The following KMT5B variants were observed in gnomAD, a reference collection of about 807,000 sequenced individuals.
The protein encoded by KMT5B is lysine methyltransferase 5B.
Under a neutral mutation model 83.2 loss-of-function variants are expected in KMT5B, and 10 were observed. That is an observed-to-expected ratio of 0.12 (90% CI 0.07 to 0.20). The LOEUF is 0.20. Ranked by LOEUF, KMT5B falls within the 10% of genes least tolerant of loss-of-function variation. The probability of loss-of-function intolerance (pLI) is 1.00; values close to 1 mark genes in which losing one functional copy is unlikely to be tolerated. For missense variants in KMT5B, 753 were observed against 1,067.2 expected (o/e 0.71, Z 4.10); for synonymous variants, 349 against 388.8 (o/e 0.90, Z 1.20).
At chr11:68,176,279 G>A (rs1345237491) in intron 4 of KMT5B, among the ~76,000 whole-genome samples, 2 of 152,048 alleles carry the variant, frequency 1.3e-5, no homozygotes, top group Non-Finnish European at 1.5e-5. Flanking sequence ...ATCCCATTAG[G>A]TCTGTATTTA....
In KMT5B at chr11:68,156,044, A is replaced by G. The variant is rs1471174127; in HGVS notation, c.*1644T>C. The G allele has an allele frequency of 6.6e-6, 1 of 152,190 alleles. No individual in the cohort carries two copies. The highest frequency in any genetic ancestry group is 1.5e-5 in the Non-Finnish European group (1 of 68,024). 9.4% of individuals were successfully genotyped at this position (152,190 alleles called of 1,614,324 possible). A position where few individuals can be genotyped will look rare whatever the true frequency, so the allele number is the denominator to read the frequency against. ...GCGTCATTGAAACAATATCCCCCCA[A>G]ACCTGGAAACTAGTAGGAATCAATT... On this transcript the variant is annotated 3_prime_UTR_variant, in exon 11 of 11. Coordinates refer to ENST00000304363, the MANE Select transcript of KMT5B (RefSeq NM_017635.5).
At chr11:68,168,600 T>C (rs1855544437) in intron 9 of KMT5B, among the ~76,000 whole-genome samples, 1 of 152,170 alleles carries the variant, frequency 6.6e-6, no homozygotes, top group Non-Finnish European at 1.5e-5. Flanking sequence ...CCTCCCAAAG[T>C]GCTGGGATTA....
intron 1 of KMT5B, among the ~76,000 whole-genome samples, chr11:68,210,487 G>C (rs952921135): frequency 6.6e-6 from 1 of 152,026 alleles, no homozygotes; most frequent in Non-Finnish European, 1.5e-5. Context: ...GAGTCGTTTT[G>C]TAGACGGAGT....
chr11:68,192,003 A>G (rs1232625337), intron 1 of KMT5B, among the ~76,000 whole-genome samples: 1 of 152,212 alleles, frequency 6.6e-6, no homozygotes, highest in Non-Finnish European at 1.5e-5. Flanking sequence ...ATAACAAATA[A>G]TATTGTGTTA....
intron 1 of KMT5B, among the ~76,000 whole-genome samples, chr11:68,210,505 C>T (rs1347020981): frequency 6.6e-6 from 1 of 152,094 alleles, no homozygotes; most frequent in Admixed American, 6.6e-5. Context: ...AGTCTAGGCC[C>T]TATCAATGAC....
At chr11:68,193,956 C>T (rs1858395332) in intron 1 of KMT5B, among the ~76,000 whole-genome samples, 1 of 151,738 alleles carries the variant, frequency 6.6e-6, no homozygotes, top group African/African-American at 2.4e-5. Flanking sequence ...TGAGCCACCA[C>T]ACTCAGTAAG....
At chr11:68,183,942 G>A (rs1434817363) in intron 3 of KMT5B, among the ~76,000 whole-genome samples, 1 of 152,104 alleles carries the variant, frequency 6.6e-6, no homozygotes, top group Non-Finnish European at 1.5e-5. Flanking sequence ...TTACAGGCAT[G>A]AGCCACTGCG....
intron 1 of KMT5B, among the ~76,000 whole-genome samples, 195 bp from the exon 2 acceptor site, chr11:68,190,347 T>C (rs1412937586): frequency 1.3e-5 from 2 of 152,248 alleles, no homozygotes; most frequent in African/African-American, 4.8e-5. Flanking sequence ...GACATACACT[T>C]CATAAAATTC....
chr11:68,196,210 G>A (rs1298563470), intron 1 of KMT5B, among the ~76,000 whole-genome samples: 1 of 151,884 alleles, frequency 6.6e-6, no homozygotes, highest in African/African-American at 2.4e-5. Context: ...GAAGGGCAAT[G>A]CACCATGCCT....
Position 68,155,807 on chromosome 11 carries a change from G to C in KMT5B, c.*1881C>G, listed in dbSNP as rs117048014. The stretch of plus-strand genomic sequence containing the variant: ...ACTGTTGAAGACCTCCAGACGCAGT[G>C]AACGGGGGTATGGGTGGGTGTGGAA... On this transcript the variant is annotated 3_prime_UTR_variant, in exon 11 of 11. Coordinates refer to ENST00000304363, the MANE Select transcript of KMT5B (RefSeq NM_017635.5). 1 of 152,380 alleles carries C rather than the reference G, an allele frequency of 6.6e-6. No individual in the cohort carries two copies. The highest frequency in any genetic ancestry group is 1.9e-4 in the East Asian group (1 of 5,188). The allele number at this position is 152,380 out of a possible 1,614,324, so 9.4% of individuals were successfully genotyped here. A position where few individuals can be genotyped will look rare whatever the true frequency, so the allele number is the denominator to read the frequency against.
In KMT5B at chr11:68,157,575, A is replaced by T. The variant is rs528090915; in HGVS notation, c.*113T>A. 4 of 1,420,876 alleles carry T rather than the reference A, an allele frequency of 2.8e-6. No individual in the cohort carries two copies. Among genetic ancestry groups the T allele is most frequent in the Non-Finnish European group, 3.7e-6 (4 of 1,082,348 alleles). The allele number at this position is 1,420,876 out of a possible 1,614,324, so 88.0% of individuals were successfully genotyped here. A position where few individuals can be genotyped will look rare whatever the true frequency, so the allele number is the denominator to read the frequency against. On this transcript the variant is annotated 3_prime_UTR_variant, in exon 11 of 11. Transcript: ENST00000304363. ...GTACACTTTCTACAATAGTATGCTG[A>T]TAAGTGAAGGGACAATAGAAGTGCT...
intron 10 of KMT5B, among the ~76,000 whole-genome samples, chr11:68,160,908 T>C (rs1378662104): frequency 3.3e-5 from 5 of 152,172 alleles, no homozygotes; most frequent in East Asian, 1.9e-4. Context: ...AATCGCACGA[T>C]TGTACTCCAG....
intron 1 of KMT5B, among the ~76,000 whole-genome samples, chr11:68,206,523 C>T (rs544221436): frequency 3.7e-4 from 56 of 152,296 alleles, no homozygotes; most frequent in Non-Finnish European, 5.9e-4. Flanking sequence ...AAGGATGTGG[C>T]TCTGCAGTCA....
intron 4 of KMT5B, chr11:68,179,576 T>C (rs1270617734): frequency 2.3e-6 from 3 of 1,303,446 alleles, no homozygotes; most frequent in Middle Eastern, 2.1e-4. Flanking sequence ...GTATTAGCTG[T>C]GCTACTGTGC....
rs1856095385 is a variant in KMT5B, at chr11:68,174,012, A to G, written c.544-99T>C. The G allele has an allele frequency of 7.3e-6, 6 of 817,276 alleles. No individual in the cohort carries two copies. In the Admixed American group the frequency reaches 1.0e-4, roughly 14 times the overall value. 50.6% of individuals were successfully genotyped at this position (817,276 alleles called of 1,614,324 possible). On this transcript the variant is annotated intron_variant, in intron 5 of 10. Coordinates refer to ENST00000304363, the MANE Select transcript of KMT5B (RefSeq NM_017635.5). ...CAAACCACCCGCAATGATGAAAAAAATGTAAGATCTAGCCTGAGCAACATA... is the reference window on the plus strand; with the variant it reads ...CAAACCACCCGCAATGATGAAAAAAGTGTAAGATCTAGCCTGAGCAACATA...
chr11:68,187,343 A>G (rs1857535364), intron 2 of KMT5B, among the ~76,000 whole-genome samples: 1 of 151,930 alleles, frequency 6.6e-6, no homozygotes, highest in African/African-American at 2.4e-5. Flanking sequence ...TTCCCTCTAA[A>G]CCACCGCTTT....
In KMT5B at chr11:68,157,610, C is replaced by T. The variant is rs1337473750; in HGVS notation, c.*78G>A. ...GGACAATAGAAGTGCTGCCACTAAA[C>T]TTTCAGTTGAGGAATAATTGACTGG... On this transcript the variant is annotated 3_prime_UTR_variant, in exon 11 of 11. Coordinates refer to ENST00000304363, the MANE Select transcript of KMT5B (RefSeq NM_017635.5). The T allele has an allele frequency of 3.4e-6, 5 of 1,482,948 alleles. No homozygotes were observed. In the African/African-American group the frequency reaches 7.0e-5, roughly 21 times the overall value. The allele number at this position is 1,482,948 out of a possible 1,614,324, so 91.9% of individuals were successfully genotyped here.
chr11:68,164,787 G>A, intron 10 of KMT5B: 1 of 457,408 alleles, frequency 2.2e-6, no homozygotes, highest in African/African-American at 2.0e-5. Context: ...CGATTATTCA[G>A]TCCCTCTGAA....
rs1466158018 is a variant in KMT5B, at chr11:68,171,520, A to G, written c.820+23T>C. ...AGCAGGAATGGCCAACACTAGCGCC[A>G]ACACCTTGGAAACACAGCTTACCAT... On this transcript the variant is annotated intron_variant, in intron 7 of 10. Transcript: ENST00000304363. This position sits in a 1 kb window ranked among gnomAD's most constrained non-coding sequence, Gnocchi z 5.1. 3 of 1,610,118 alleles carry G rather than the reference A, an allele frequency of 1.9e-6. No homozygotes were observed.
Sources: allele counts gnomAD v4.1 joint callset (sites outside exome capture counted in the v4.1 genomes callset), GRCh38; gene constraint gnomAD v4.1.1; non-coding constraint Gnocchi (gnomAD v3.1); transcripts MANE v1.5; gene names NCBI Gene and HGNC (gene_info 2026-07-23, HGNC 2026-07-21).